M1AP: variants seen among roughly 807,000 people sequenced by gnomAD.
The protein encoded by M1AP is meiosis 1 arrest protein.
M1AP carries 39 observed loss-of-function variants against 51.2 expected under a neutral mutation model. That is an observed-to-expected ratio of 0.76 (90% CI 0.59 to 1.00). The LOEUF (loss-of-function observed/expected upper bound fraction) is 1.00. M1AP is among the 50% of genes least tolerant of loss of function. The probability of loss-of-function intolerance (pLI) is 0.00; values close to 1 mark genes in which losing one functional copy is unlikely to be tolerated. For synonymous variants in M1AP, 251 were observed against 249.2 expected (o/e 1.01, Z -0.07); for missense variants, 545 against 641.2 (o/e 0.85, Z 1.62).
intron 2 of M1AP, among the ~76,000 whole-genome samples, chr2:74,623,733 G>A (rs969979627): frequency 3.3e-5 from 5 of 152,212 alleles, no homozygotes; most frequent in Non-Finnish European, 4.4e-5. Context: ...GTACAGTGGC[G>A]TGATCATGAT....
chr2:74,633,557 T>C (rs1027885283), intron 2 of M1AP, among the ~76,000 whole-genome samples: 13 of 152,148 alleles, frequency 8.5e-5, no homozygotes, highest in African/African-American at 2.9e-4. Context: ...CTTGGCTATA[T>C]ATTCCCACTT....
Position 74,581,732 on chromosome 2 carries a change from G to A in M1AP, c.711C>T (p.Ile237=), listed in dbSNP as rs765849313. Residue 237 remains isoleucine (I), a synonymous_variant, in exon 5 of 11, where the codon ATC becomes ATT. Transcript: ENST00000421985. ...AACACTGTGAAGAAAGAAGAAGATG[G>A]ATTTGTTCTTGGTCTGTTCCACTGT... is the stretch of plus-strand genomic sequence containing the variant. ...LHNSGTDQEQ[I]HLLLSSQCFS... 6.2e-7 allele frequency: 1 copy of A among 1,614,030 alleles called. No homozygotes were observed. Among genetic ancestry groups the A allele is most frequent in the South Asian group, 1.1e-5 (1 of 91,082 alleles).
chr2:74,562,039 C>G (rs922466937), intron 8 of M1AP, 178 bp downstream of exon 8: 7 of 985,338 alleles, frequency 7.1e-6, no homozygotes, highest in Non-Finnish European at 7.2e-6. Context: ...CTGCCATAAT[C>G]TAAGTGTTTA....
At chr2:74,623,122 A>G (rs1682165587) in intron 2 of M1AP, among the ~76,000 whole-genome samples, 1 of 152,156 alleles carries the variant, frequency 6.6e-6, no homozygotes, top group South Asian at 2.1e-4. Context: ...ATACCAGCTA[A>G]AAAACAAATT....
chr2:74,620,900 G>T (rs937583708), intron 2 of M1AP: 1 of 178,518 alleles, frequency 5.6e-6, no homozygotes. Flanking sequence ...TCACTTCCGC[G>T]GCAACATGCT....
chr2:74,566,027 A>G (rs534356732), intron 7 of M1AP, among the ~76,000 whole-genome samples: 2 of 152,262 alleles, frequency 1.3e-5, no homozygotes, highest in African/African-American at 4.8e-5. Context: ...TAACATCAGA[A>G]ACAAGGCAGA....
At chr2:74,634,933 T>C (rs1682899562) in intron 2 of M1AP, among the ~76,000 whole-genome samples, 1 of 152,172 alleles carries the variant, frequency 6.6e-6, no homozygotes, top group Non-Finnish European at 1.5e-5. Context: ...TCATGAGGGA[T>C]ATCGGTCTTC....
chr2:74,626,724 C>T (rs184189763), intron 2 of M1AP, among the ~76,000 whole-genome samples: 1 of 152,298 alleles, frequency 6.6e-6, no homozygotes, highest in African/African-American at 2.4e-5. Flanking sequence ...ATGGATCTAG[C>T]TTTATTTTTC....
chr2:74,642,362 A>G (rs1205063210), intron 1 of M1AP, among the ~76,000 whole-genome samples: 2 of 152,220 alleles, frequency 1.3e-5, no homozygotes, highest in Admixed American at 1.3e-4. Flanking sequence ...AATTCGTCAC[A>G]TTAAAAAAGT....
chr2:74,628,764 C>T (rs1682542235), intron 2 of M1AP: 1 of 527,482 alleles, frequency 1.9e-6, no homozygotes, highest in Non-Finnish European at 3.7e-6. Flanking sequence ...GGCAATAAAG[C>T]TGCTGCTGAG....
chr2:74,587,653 G>T (rs893354792), intron 4 of M1AP, among the ~76,000 whole-genome samples: 3 of 152,164 alleles, frequency 2.0e-5, no homozygotes, highest in Non-Finnish European at 4.4e-5. Context: ...CTTCTCAGAC[G>T]TTGAAAAACA....
rs569843676 is a variant in M1AP, at chr2:74,644,310, C to T, written c.-53+3955G>A. 9.9e-4 allele frequency among the ~76,000 whole-genome samples: 151 copies of T among 152,204 alleles called. 2 individuals carry two copies. The highest frequency in any genetic ancestry group is 3.5e-3 in the African/African-American group (145 of 41,556). On this transcript the variant is annotated intron_variant, in intron 1 of 10. Coordinates refer to ENST00000421985, the MANE Select transcript of M1AP (RefSeq NM_001321739.2). Reference sequence around the variant, plus strand: ...ATCCGAGCACTTTGAGAGGCTGAGGCGGGTGGATCTCAAGGTCAGGAGTTT... The same window carrying T: ...ATCCGAGCACTTTGAGAGGCTGAGGTGGGTGGATCTCAAGGTCAGGAGTTT...
chr2:74,640,262 C>T lies in M1AP; in HGVS notation c.14G>A (p.Arg5Gln), dbSNP rs3025980. MHPG[R>Q]TTGKGPSTHT... ...AGTAGAGGGCCCTTTACCAGTAGTT[C>T]GCCCAGGATGCATGGCAGCAAAACC... The change falls in exon 2 of 11, where the codon CGA (arginine) becomes CAA (glutamine). Residue 5 changes from arginine (R) to glutamine (Q), a missense_variant. Transcript: ENST00000421985. 6.2e-3 allele frequency: 10,022 copies of T among 1,613,970 alleles called. 71 individuals are homozygous for T. The highest frequency in any genetic ancestry group is 0.024 in the African/African-American group (1,765 of 75,002).
chr2:74,565,328 G>A (rs1299175295), intron 7 of M1AP, among the ~76,000 whole-genome samples: 1 of 151,886 alleles, frequency 6.6e-6, no homozygotes, highest in African/African-American at 2.4e-5. Context: ...GAAAACTATA[G>A]ATCAATATCT....
intron 7 of M1AP, among the ~76,000 whole-genome samples, chr2:74,574,465 C>T (rs1177386021): frequency 6.6e-6 from 1 of 152,210 alleles, no homozygotes; most frequent in African/African-American, 2.4e-5. Context: ...TTGGTTTGCT[C>T]ATCTCATCTT....
chr2:74,581,196 G>A lies in M1AP; in HGVS notation c.769+478C>T, dbSNP rs541302920. Among the ~76,000 whole-genome samples, 21 of 152,306 alleles carry A rather than the reference G, an allele frequency of 1.4e-4. 1 individual carries two copies. Among genetic ancestry groups the A allele is most frequent in the South Asian group, 1.0e-3 (5 of 4,828 alleles). ...GGGCACAGGTTGTCCTCCCTGGGGC[G>A]TATCTCTGTAGGTTCTTTAGTTTTC... On this transcript the variant is annotated intron_variant, in intron 5 of 10. Transcript: ENST00000421985.
intron 2 of M1AP, among the ~76,000 whole-genome samples, chr2:74,626,528 G>T (rs1206054780): frequency 6.6e-6 from 1 of 152,136 alleles, no homozygotes; most frequent in Non-Finnish European, 1.5e-5. Context: ...CAAAGTGCTA[G>T]GATTACAGGC....
At chr2:74,561,789 G>T in intron 8 of M1AP, 1 of 604,552 alleles carries the variant, frequency 1.7e-6, no homozygotes, top group Non-Finnish European at 2.1e-6. Context: ...GGACCTGCTG[G>T]TGTTGTGGCT....
intron 2 of M1AP, among the ~76,000 whole-genome samples, chr2:74,634,333 A>T (rs542511515): frequency 6.6e-6 from 1 of 152,302 alleles, no homozygotes; most frequent in African/African-American, 2.4e-5. Flanking sequence ...CTGAGGATTG[A>T]GCTCCCTCTC....
Sources: allele counts gnomAD v4.1 joint callset (sites outside exome capture counted in the v4.1 genomes callset), GRCh38; gene constraint gnomAD v4.1.1; transcripts MANE v1.5; gene names NCBI Gene and HGNC (gene_info 2026-07-23, HGNC 2026-07-21).